Variants in TENM1 observed in about 807,000 individuals in gnomAD.
TENM1 encodes teneurin-1.
In TENM1, 35 loss-of-function variants were observed where a neutral mutation model predicts 174.8. The observed-to-expected ratio is 0.20, with a 90% confidence interval of 0.15 to 0.27. The LOEUF (loss-of-function observed/expected upper bound fraction) is 0.27, where lower values mean the gene tolerates loss of function less well. Among genes scored for constraint, TENM1 ranks in the 10% least tolerant of loss-of-function variants. The pLI is 1.00. For missense variants in TENM1, 1,633 were observed against 2,130.1 expected (o/e 0.77, Z 4.59); for synonymous variants, 781 against 798.7 (o/e 0.98, Z 0.37).
At chrX:125,113,456 G>A in the TENM1 span, among the ~76,000 whole-genome samples, 1 of 111,221 alleles carries the variant, frequency 9.0e-6, no homozygotes, top group Non-Finnish European at 1.9e-5. Context: ...CCAATTAAAA[G>A]ACAAGGACTG....
chrX:124,727,975 A>G (rs768126896), intron 4 of TENM1, among the ~76,000 whole-genome samples: 25 of 111,120 alleles, frequency 2.2e-4, no homozygotes, highest in Admixed American at 2.2e-3. Flanking sequence ...CTTTTTTTTT[A>G]TGTTTTAAAC....
intron 25 of TENM1, among the ~76,000 whole-genome samples, chrX:124,415,813 A>C (rs926155068): frequency 5.4e-5 from 6 of 111,669 alleles, no homozygotes; most frequent in African/African-American, 2.0e-4. Flanking sequence ...TGCCTACCAC[A>C]CAGTGCCTGC....
At chrX:125,119,997 C>G in the TENM1 span, among the ~76,000 whole-genome samples, 1 of 111,157 alleles carries the variant, frequency 9.0e-6, no homozygotes, top group Non-Finnish European at 1.9e-5. Flanking sequence ...AACACTCTTC[C>G]TCTCTAGAAT....
chrX:124,475,541 CCACCAATGGCAGGGT>C (rs2061377362), intron 22 of TENM1, among the ~76,000 whole-genome samples: 1 of 111,863 alleles, frequency 8.9e-6, no homozygotes, highest in South Asian at 3.8e-4. Flanking sequence ...ACCATCCAAA[CCACCAATGGCAGGGT>C]CACCAACGAA....
intron 15 of TENM1, among the ~76,000 whole-genome samples, chrX:124,531,482 C>T (rs1206515687): frequency 8.9e-6 from 1 of 111,891 alleles, no homozygotes; most frequent in East Asian, 2.8e-4. Context: ...TAGGATTTAT[C>T]CTCTTCTACG....
At chrX:124,729,665 G>C (rs1248696874) in intron 4 of TENM1, among the ~76,000 whole-genome samples, 1 of 112,081 alleles carries the variant, frequency 8.9e-6, no homozygotes, top group Non-Finnish European at 1.9e-5. Context: ...CTCAGGGCAG[G>C]GCCCAATCCC....
chrX:124,737,360 C>A (rs1005470284), intron 3 of TENM1, among the ~76,000 whole-genome samples, 163 bp from the exon 7 acceptor site: 1 of 112,013 alleles, frequency 8.9e-6, no homozygotes, highest in Non-Finnish European at 1.9e-5. Flanking sequence ...ACTTAACTTA[C>A]AAAAGCACGT....
At chrX:124,406,360 T>C in exon 26 of TENM1, 1 of 1,210,378 alleles carries the variant, frequency 8.3e-7, no homozygotes, top group Non-Finnish European at 1.1e-6. Flanking sequence ...TCAAGTTGGT[T>C]GACATGAGGA....
At chrX:124,965,375 G>A (rs1263988738), upstream of TENM1, among the ~76,000 whole-genome samples, 3 of 111,626 alleles carry the variant, frequency 2.7e-5, no homozygotes, top group South Asian at 3.7e-4. Flanking sequence ...CACCACGCCC[G>A]GCCTATGTAG....
At chrX:125,160,614 C>G in the TENM1 span, among the ~76,000 whole-genome samples, 1 of 105,152 alleles carries the variant, frequency 9.5e-6, no homozygotes, top group South Asian at 4.3e-4. Context: ...TACAATAGCC[C>G]ACAAATGCTC....
the TENM1 span, among the ~76,000 whole-genome samples, chrX:125,024,111 T>C: frequency 6.3e-3 from 703 of 111,643 alleles, 6 homozygotes; most frequent in African/African-American, 0.022. Context: ...GAAAAGGCAA[T>C]GCTTATACAC....
intron 4 of TENM1, among the ~76,000 whole-genome samples, chrX:124,706,231 T>A (rs1188911108): frequency 8.9e-6 from 1 of 112,441 alleles, no homozygotes; most frequent in Non-Finnish European, 1.9e-5. Context: ...TTTTGAAGTA[T>A]GTTGCATACA....
chrX:124,868,611 A>G (rs1415469498), intron 3 of TENM1, among the ~76,000 whole-genome samples: 1 of 111,492 alleles, frequency 9.0e-6, no homozygotes, highest in Non-Finnish European at 1.9e-5. Context: ...ACAGGCAACC[A>G]CAGCAAAAAT....
In TENM1 at chrX:124,963,777, C is replaced by A; in HGVS notation, c.-24G>T. The A allele has an allele frequency of 8.6e-7, 1 of 1,165,968 alleles. No homozygotes were observed. The highest frequency in any genetic ancestry group is 1.2e-6 in the Non-Finnish European group (1 of 861,006). On this transcript the variant is annotated 5_prime_UTR_variant, in exon 1 of 32. An upstream start codon of the reference 5' UTR is lost. Coordinates refer to ENST00000422452, the Ensembl canonical transcript of TENM1. Reference sequence around the variant, plus strand: ...ATCTCTGATTAAGCAAGCTCAGTTTCATGAAAAAAAGGATGAGGAAGTCCT... The same window carrying A: ...ATCTCTGATTAAGCAAGCTCAGTTTAATGAAAAAAAGGATGAGGAAGTCCT...
chrX:124,621,956 AT>A (rs1363857817), intron 11 of TENM1, among the ~76,000 whole-genome samples: 2 of 112,138 alleles, frequency 1.8e-5, no homozygotes, highest in African/African-American at 6.5e-5. Flanking sequence ...GCTTGAGTTT[AT>A]TTGTGTTGTA....
intron 23 of TENM1, among the ~76,000 whole-genome samples, chrX:124,448,160 C>T (rs2060985842): frequency 8.9e-6 from 1 of 111,899 alleles, no homozygotes; most frequent in Non-Finnish European, 1.9e-5. Context: ...ATGAATCTAT[C>T]TACCTTTCTA....
chrX:124,510,444 T>C (rs2047555047), intron 18 of TENM1, among the ~76,000 whole-genome samples: 1 of 112,042 alleles, frequency 8.9e-6, no homozygotes. Flanking sequence ...TGGCCAAAAA[T>C]GGTGCTTGGT....
At chrX:125,170,648 T>C in the TENM1 span, among the ~76,000 whole-genome samples, 1 of 111,187 alleles carries the variant, frequency 9.0e-6, no homozygotes, top group African/African-American at 3.3e-5. Flanking sequence ...GTTCCTCTTA[T>C]AGACCAGCTC....
intron 4 of TENM1, among the ~76,000 whole-genome samples, chrX:124,724,465 G>A (rs2053398238): frequency 8.9e-6 from 1 of 112,004 alleles, no homozygotes; most frequent in South Asian, 3.8e-4. Flanking sequence ...GTTGAAGTGG[G>A]GAGGTTGCTA....
Sources: allele counts gnomAD v4.1 joint callset (sites outside exome capture counted in the v4.1 genomes callset), GRCh38; gene constraint gnomAD v4.1.1; transcripts MANE v1.5; gene names NCBI Gene and HGNC (gene_info 2026-07-23, HGNC 2026-07-21).